BLOC1S3: variants seen among roughly 807,000 people sequenced by gnomAD.
BLOC1S3 encodes biogenesis of lysosomal organelles complex 1 subunit 3.
A neutral mutation model predicts 9.1 loss-of-function variants in BLOC1S3; 7 were observed. The observed-to-expected ratio is 0.77, with a 90% confidence interval of 0.44 to 1.45. The LOEUF (loss-of-function observed/expected upper bound fraction) is 1.45. BLOC1S3 is among the 40% of genes most tolerant of loss of function. The probability of loss-of-function intolerance (pLI) is 0.01; values close to 1 mark genes in which losing one functional copy is unlikely to be tolerated. For synonymous variants in BLOC1S3, 145 were observed against 158.4 expected (o/e 0.92, Z 0.64); for missense variants, 307 against 315.2 (o/e 0.97, Z 0.20).
At chr19:45,200,403 T>C (rs1969681728) in intron 2 of BLOC1S3, among the ~76,000 whole-genome samples, 1 of 152,072 alleles carries the variant, frequency 6.6e-6, no homozygotes, top group East Asian at 1.9e-4. Flanking sequence ...AGGATGGTCT[T>C]GATCTCATGA....
intron 3 of BLOC1S3, chr19:45,212,965 C>T: frequency 3.4e-5 from 44 of 1,285,572 alleles, no homozygotes; most frequent in Non-Finnish European, 4.3e-5. Context: ...CTTTCTATCC[C>T]AGGGGTGTGT....
At position 45,179,330 on chromosome 19, in the gene BLOC1S3, C is replaced by T; in HGVS notation, c.34C>T (p.Arg12Trp). 2 of 1,585,104 alleles carry T rather than the reference C, an allele frequency of 1.3e-6. No individual in the cohort carries two copies. Among genetic ancestry groups the T allele is most frequent in the Non-Finnish European group, 1.7e-6 (2 of 1,174,262 alleles). Reference sequence around the variant, plus strand: ...CCAGGGTCGTCGGCGGAGGCCCCTGCGGAGGCCGGAGACGGTGGTGCCGGG... The same window carrying T: ...CCAGGGTCGTCGGCGGAGGCCCCTGTGGAGGCCGGAGACGGTGGTGCCGGG... ...ASQGRRRRPL[R>W]RPETVVPGEA... Residue 12 changes from arginine to tryptophan, a missense_variant, in exon 2 of 2, where the codon CGG (arginine) becomes TGG (tryptophan). Arg to Trp is a moderately radical substitution (Grantham distance 101). Transcript: ENST00000433642. The surrounding 1 kb of genome is among the most constrained non-coding windows in gnomAD (Gnocchi z 4.6).
At chr19:45,208,854 GA>G (rs554125991) in intron 3 of BLOC1S3, among the ~76,000 whole-genome samples, 3,018 of 151,352 alleles carry the variant, frequency 0.02, 47 homozygotes, top group Middle Eastern at 0.037. Flanking sequence ...AAAACTCAAT[GA>G]AAAAAAATAA....
At chr19:45,203,376 C>T (rs891799992) in intron 3 of BLOC1S3, among the ~76,000 whole-genome samples, 4 of 152,114 alleles carry the variant, frequency 2.6e-5, no homozygotes, top group African/African-American at 7.2e-5. Context: ...TGGGTTCAAG[C>T]GATTCTCCTG....
Position 45,181,438 on chromosome 19 carries a change from C to T in BLOC1S3, c.*1533C>T, listed in dbSNP as rs984298489. On this transcript the variant is annotated 3_prime_UTR_variant, in exon 2 of 2. Coordinates refer to ENST00000433642, the MANE Select transcript of BLOC1S3 (RefSeq NM_212550.5). ...TGACTCTCCAGACCTAAAGTGACAC[C>T]CTTCAGGCACTTCGGGCCCAATTCA... 4 of 167,162 alleles carry T rather than the reference C, an allele frequency of 2.4e-5. No homozygotes were observed. The highest frequency in any genetic ancestry group is 9.6e-5 in the African/African-American group (4 of 41,456). The allele number at this position is 167,162 out of a possible 1,614,324, so 10.4% of individuals were successfully genotyped here.
intron 2 of BLOC1S3, among the ~76,000 whole-genome samples, chr19:45,196,911 A>AG (rs2122918704): frequency 6.6e-6 from 1 of 151,112 alleles, no homozygotes; most frequent in East Asian, 2.0e-4. Context: ...AAAAAAAAAA[A>AG]ATCAATTTTA....
intron 2 of BLOC1S3, among the ~76,000 whole-genome samples, chr19:45,196,610 T>C (rs1044551624): frequency 3.9e-5 from 6 of 151,994 alleles, no homozygotes; most frequent in African/African-American, 1.2e-4. Flanking sequence ...AAAAAACTCT[T>C]AGCCGGGAGC....
At chr19:45,192,024 C>T (rs2122908040) in intron 2 of BLOC1S3, among the ~76,000 whole-genome samples, 1 of 152,336 alleles carries the variant, frequency 6.6e-6, no homozygotes, top group South Asian at 2.1e-4. Context: ...GGTGTGAGCC[C>T]CCCATCACAG....
In BLOC1S3 at chr19:45,196,630, C is replaced by T. The variant is rs549968487; in HGVS notation, n.181-5776C>T. On this transcript the variant is annotated intron_variant and non_coding_transcript_variant, in intron 2 of 3. Coordinates refer to the BLOC1S3 transcript ENST00000591569. ...ACTCTTAGCCGGGAGCGGTGGCTCACGCCTGTAATCCTAGCACTTTGGGAG... is the reference window on the plus strand; with the variant it reads ...ACTCTTAGCCGGGAGCGGTGGCTCATGCCTGTAATCCTAGCACTTTGGGAG... Among the ~76,000 whole-genome samples the T allele has an allele frequency of 5.9e-5, 9 of 152,216 alleles. No individual in the cohort carries two copies. In the East Asian group the frequency reaches 9.6e-4, roughly 16 times the overall value.
At chr19:45,212,336 C>T (rs1969782134) in intron 3 of BLOC1S3, among the ~76,000 whole-genome samples, 1 of 152,198 alleles carries the variant, frequency 6.6e-6, no homozygotes, top group Non-Finnish European at 1.5e-5. Flanking sequence ...CCCGGTCCTT[C>T]CTCCCCACAA....
intron 2 of BLOC1S3, among the ~76,000 whole-genome samples, chr19:45,191,484 T>C (rs1969607098): frequency 6.6e-6 from 1 of 152,230 alleles, no homozygotes; most frequent in African/African-American, 2.4e-5. Context: ...CTGAGGATGT[T>C]CATACATTTC....
At position 45,178,807 on chromosome 19, in the gene BLOC1S3, G is replaced by C. The variant is rs935263388; in HGVS notation, c.-34G>C. ...GCACTCGGGTTAGGAAGCGGATCTC[G>C]CAAGCTCCGAGCGTCAGCTGCCGGG... On this transcript the variant is annotated 5_prime_UTR_variant, in exon 1 of 2. Transcript: ENST00000433642. 22 of 158,342 alleles carry C rather than the reference G, an allele frequency of 1.4e-4. No individual in the cohort carries two copies. Among genetic ancestry groups the C allele is most frequent in the South Asian group, 9.0e-4 (5 of 5,572 alleles). The allele number at this position is 158,342 out of a possible 1,614,324, so 9.8% of individuals were successfully genotyped here. A position where few individuals can be genotyped will look rare whatever the true frequency, so the allele number is the denominator to read the frequency against.
chr19:45,185,755 C>G (rs1969561533), downstream of BLOC1S3, among the ~76,000 whole-genome samples: 1 of 151,592 alleles, frequency 6.6e-6, no homozygotes, highest in South Asian at 2.1e-4. Context: ...CCCAAGGGCC[C>G]TGGGGAGCCA....
rs561150528 is a variant in BLOC1S3, at chr19:45,180,488, G to C, written c.*583G>C. The C allele has an allele frequency of 6.4e-6, 1 of 156,402 alleles. No individual in the cohort carries two copies. Among genetic ancestry groups the C allele is most frequent in the African/African-American group, 2.4e-5 (1 of 41,366 alleles). The allele number at this position is 156,402 out of a possible 1,614,324, so 9.7% of individuals were successfully genotyped here. ...GCCCAGGCTTGTCTCAAACTCCCGG[G>C]CTCAAGCAATCCTCCCACTGTGGCG... On this transcript the variant is annotated 3_prime_UTR_variant, in exon 2 of 2. Transcript: ENST00000433642.
downstream of BLOC1S3, among the ~76,000 whole-genome samples, chr19:45,183,358 C>A (rs989655640): frequency 6.6e-6 from 1 of 151,686 alleles, no homozygotes; most frequent in African/African-American, 2.4e-5. Context: ...TGCCTGTAAT[C>A]CCAGCTACTC....
chr19:45,180,235 ATTTTT>A lies in BLOC1S3; in HGVS notation c.*350_*354del, dbSNP rs34965337. 26 of 90,504 alleles carry A rather than the reference ATTTTT, an allele frequency of 2.9e-4. No individual in the cohort carries two copies. The highest frequency in any genetic ancestry group is 6.3e-4 in the South Asian group (2 of 3,190). 5.6% of individuals were successfully genotyped at this position (90,504 alleles called of 1,614,324 possible). On this transcript the variant is annotated 3_prime_UTR_variant, in exon 2 of 2. Transcript: ENST00000433642. Reference sequence around the variant, plus strand: ...CTGTTTCCACCCTGGGGGCTCACCAATTTTTTTTTTTTTTTTTTTTTTTTGGAGAC... The same window carrying A: ...CTGTTTCCACCCTGGGGGCTCACCAATTTTTTTTTTTTTTTTTTTGGAGAC...
intron 3 of BLOC1S3, among the ~76,000 whole-genome samples, chr19:45,208,939 A>C (rs947258039): frequency 6.6e-6 from 1 of 152,170 alleles, no homozygotes; most frequent in Non-Finnish European, 1.5e-5. Flanking sequence ...GCTTAATTAG[A>C]AAAGAGGAAA....
intron 3 of BLOC1S3, among the ~76,000 whole-genome samples, chr19:45,204,438 G>T (rs923482890): frequency 1.5e-4 from 22 of 151,438 alleles, no homozygotes; most frequent in African/African-American, 5.3e-4. Context: ...GGTGATCCAT[G>T]TGCCTCAGCC....
chr19:45,212,551 T>G (rs1459776781), intron 3 of BLOC1S3: 1 of 150,632 alleles, frequency 6.6e-6, no homozygotes, highest in Non-Finnish European at 1.5e-5. Context: ...ACAGGCTTCA[T>G]GGCCTTGGGA....
Sources: gnomAD v4.1 joint callset for allele counts (sites outside exome capture counted in the v4.1 genomes callset) on GRCh38, gnomAD v4.1.1 for gene constraint, Gnocchi (gnomAD v3.1) non-coding constraint, MANE v1.5 for transcripts, NCBI Gene and HGNC (gene_info 2026-07-23, HGNC 2026-07-21) for gene names.